The following RBM20 variants were observed in gnomAD, a reference collection of about 807,000 sequenced individuals.
The protein encoded by RBM20 is RNA-binding protein 20.
RBM20 carries 51 observed loss-of-function variants against 110.1 expected under a neutral mutation model. That is an observed-to-expected ratio of 0.46 (90% CI 0.37 to 0.59). The LOEUF (loss-of-function observed/expected upper bound fraction) is 0.59, where lower values mean the gene tolerates loss of function less well. RBM20 is among the 20% of genes least tolerant of loss of function. The pLI is 0.00. For synonymous variants in RBM20, 589 were observed against 618.2 expected (o/e 0.95, Z 0.70); for missense variants, 1,512 against 1,574.9 (o/e 0.96, Z 0.68).
At chr10:110,699,523 C>G (rs1332746878) in intron 1 of RBM20, among the ~76,000 whole-genome samples, 1 of 151,946 alleles carries the variant, frequency 6.6e-6, no homozygotes. Flanking sequence ...CTGCCTACCT[C>G]AGCCACAAAA....
At chr10:110,680,156 G>A (rs1267926994) in intron 1 of RBM20, among the ~76,000 whole-genome samples, 2 of 152,054 alleles carry the variant, frequency 1.3e-5, no homozygotes, top group Non-Finnish European at 2.9e-5. Flanking sequence ...CTGGGGGAGA[G>A]CAATTAGTTT....
chr10:110,786,229 C>T lies in RBM20; in HGVS notation c.1527+1340C>T, dbSNP rs576349831. Among the ~76,000 whole-genome samples the T allele has an allele frequency of 2.0e-5, 3 of 152,348 alleles. No homozygotes were observed. The East Asian group carries it at 5.8e-4, about 29-fold the overall frequency. On this transcript the variant is annotated intron_variant, in intron 5 of 13. Transcript: ENST00000369519. Reference sequence around the variant, plus strand: ...TTGTCTGAACCCTGCTGGAGGGCACCTGTTTGTGTGCCTTAGCCTGTGCCT... The same window carrying T: ...TTGTCTGAACCCTGCTGGAGGGCACTTGTTTGTGTGCCTTAGCCTGTGCCT...
At position 110,821,662 on chromosome 10, in the gene RBM20, A is replaced by G; in HGVS notation, c.3043A>G (p.Thr1015Ala). ...TGAGCGGAAGCCAGCTGAAAGTGAG[A>G]CAGGCCTCTCCCTGGAGGATTCAGA... is the stretch of plus-strand genomic sequence containing the variant. ...DAERKPAESETGLSLEDSDCY... is the reference protein window; with the variant it reads ...DAERKPAESEAGLSLEDSDCY... Residue 1015 changes from threonine (T) to alanine (A), a missense_variant, in exon 11 of 14, where the codon ACA (threonine) becomes GCA (alanine). Around this residue, in one of 3 missense-constraint regions of RBM20, gnomAD observed 358 missense variants for 384.2 expected, o/e 0.93. Transcript: ENST00000369519. 6.4e-7 allele frequency: 1 copy of G among 1,551,790 alleles called. No individual in the cohort carries two copies. Among genetic ancestry groups the G allele is most frequent in the Admixed American group, 2.0e-5 (1 of 51,008 alleles).
chr10:110,720,379 G>A (rs1347372183), intron 1 of RBM20, among the ~76,000 whole-genome samples: 1 of 152,134 alleles, frequency 6.6e-6, no homozygotes, highest in East Asian at 1.9e-4. Flanking sequence ...CACCACCTTT[G>A]CTCTCCTGGA....
At chr10:110,684,170 G>A (rs1862464030) in intron 1 of RBM20, among the ~76,000 whole-genome samples, 1 of 152,146 alleles carries the variant, frequency 6.6e-6, no homozygotes, top group African/African-American at 2.4e-5. Context: ...CGAGGCAGGT[G>A]GATCGCCTGA....
At chr10:110,814,716 G>A (rs199702257) in intron 9 of RBM20, among the ~76,000 whole-genome samples, 9 of 152,242 alleles carry the variant, frequency 5.9e-5, no homozygotes, top group African/African-American at 1.4e-4. Context: ...GGCTGGTCTC[G>A]AACTGCTGAC....
intron 1 of RBM20, among the ~76,000 whole-genome samples, chr10:110,732,445 A>G (rs921077234): frequency 1.1e-4 from 17 of 152,120 alleles, no homozygotes; most frequent in African/African-American, 3.1e-4. Flanking sequence ...GATGATTTCA[A>G]TTGCCCACCA....
Position 110,812,600 on chromosome 10 carries a change from G to A in RBM20, c.2203G>A (p.Glu735Lys). ...ERPEGGRPHR[E>K]KYPRSGSPNL... Reference sequence around the variant, plus strand: ...ACCAGAAGGAGGGAGGCCCCACCGGGAGAAGTACCCGAGATCTGGGTCTCC... The same window carrying A: ...ACCAGAAGGAGGGAGGCCCCACCGGAAGAAGTACCCGAGATCTGGGTCTCC... The change falls in exon 9 of 14, where the codon GAG (glutamate) becomes AAG (lysine). Residue 735 changes from glutamate to lysine, a missense_variant. Physicochemically the swap from Glu to Lys is moderately conservative, Grantham distance 56. This residue lies in a region of RBM20 where 1,149 missense variants were observed against 1,169.4 expected (regional missense o/e 0.98). Coordinates refer to ENST00000369519, the MANE Select transcript of RBM20 (RefSeq NM_001134363.3). 1 of 1,551,674 alleles carries A rather than the reference G, an allele frequency of 6.4e-7. No homozygotes were observed. The highest frequency in any genetic ancestry group is 2.4e-5 in the East Asian group (1 of 40,910).
intron 13 of RBM20, among the ~76,000 whole-genome samples, chr10:110,834,012 T>C (rs1004083427): frequency 6.6e-6 from 1 of 152,118 alleles, no homozygotes; most frequent in Non-Finnish European, 1.5e-5. Flanking sequence ...AGGTTGCTCC[T>C]AAAGGCAGGG....
intron 1 of RBM20, among the ~76,000 whole-genome samples, chr10:110,650,181 T>G (rs1316699338): frequency 6.6e-6 from 1 of 152,154 alleles, no homozygotes; most frequent in Admixed American, 6.5e-5. Flanking sequence ...AAATAACTTG[T>G]GTGTGTTTTG....
chr10:110,770,977 T>G (rs1258040179), intron 1 of RBM20, among the ~76,000 whole-genome samples: 1 of 152,226 alleles, frequency 6.6e-6, no homozygotes, highest in African/African-American at 2.4e-5. Context: ...ATTTACATAA[T>G]TTTGTCCGTG....
rs201149204 is a variant in RBM20 at position 110,823,431 on chromosome 10, C to CTTTTTTTTTT, written c.3317-31_3317-22dup. On this transcript the variant is annotated intron_variant, in intron 11 of 13. Coordinates refer to ENST00000369519, the MANE Select transcript of RBM20 (RefSeq NM_001134363.3). ...GGACTCTTTGAGGCATGTTGTATTT[C>CTTTTTTTTTT]TTTTTTTTTTTTTTTTTTTTTTTTT... 7 of 1,303,074 alleles carry CTTTTTTTTTT rather than the reference C, an allele frequency of 5.4e-6. No homozygotes were observed. In the African/African-American group the frequency reaches 6.0e-5, roughly 11 times the overall value. The allele number at this position is 1,303,074 out of a possible 1,614,324, so 80.7% of individuals were successfully genotyped here. A position where few individuals can be genotyped will look rare whatever the true frequency, so the allele number is the denominator to read the frequency against.
chr10:110,771,072 G>A (rs1162486098), intron 1 of RBM20, among the ~76,000 whole-genome samples: 1 of 152,222 alleles, frequency 6.6e-6, no homozygotes, highest in Non-Finnish European at 1.5e-5. Context: ...ATTAAGCCAA[G>A]AAAACGAAGG....
intron 1 of RBM20, among the ~76,000 whole-genome samples, chr10:110,755,807 G>A (rs1412386718): frequency 2.0e-5 from 3 of 152,152 alleles, no homozygotes; most frequent in African/African-American, 7.2e-5. Flanking sequence ...AACTTTAATT[G>A]GTTGGCCAAT....
At chr10:110,802,274 A>G (rs1844636635) in intron 7 of RBM20, among the ~76,000 whole-genome samples, 2 of 151,770 alleles carry the variant, frequency 1.3e-5, no homozygotes, top group South Asian at 2.1e-4. Flanking sequence ...AAGTCTCCAT[A>G]TGTAGATGGG....
intron 1 of RBM20, among the ~76,000 whole-genome samples, chr10:110,767,344 A>G (rs1162372430): frequency 1.1e-5 from 1 of 95,174 alleles, no homozygotes. Flanking sequence ...TGGGGGGCTG[A>G]CCCCCCCACC....
chr10:110,831,459 C>T (rs1845050806), intron 13 of RBM20: 1 of 328,098 alleles, frequency 3.0e-6, no homozygotes, highest in African/African-American at 2.1e-5. Context: ...TGTGTTGCTC[C>T]TAGCACATGT....
rs1215088966 is a variant in RBM20, at chr10:110,820,095, C to T, written c.2574C>T (p.Gly858=). 6.5e-7 allele frequency: 1 copy of T among 1,550,348 alleles called. No individual in the cohort carries two copies. Among genetic ancestry groups the T allele is most frequent in the East Asian group, 2.4e-5 (1 of 40,906 alleles). Residue 858 remains glycine (G), a synonymous_variant, in exon 10 of 14, where the codon GGC becomes GGT. Coordinates refer to ENST00000369519, the MANE Select transcript of RBM20 (RefSeq NM_001134363.3). ...ENEAGKEEQE[G]MEESPQSVGR... ...AGGCTGGAAAAGAGGAACAGGAGGG[C>T]ATGGAAGAAAGCCCTCAATCAGTGG... is the stretch of plus-strand genomic sequence containing the variant.
intron 5 of RBM20, among the ~76,000 whole-genome samples, chr10:110,795,309 CAA>C (rs755036733): frequency 1.1e-4 from 17 of 152,342 alleles, no homozygotes; most frequent in African/African-American, 4.1e-4. Flanking sequence ...GGCTCAGACT[CAA>C]AGTCTCCTAG....
Sources: allele counts gnomAD v4.1 joint callset (sites outside exome capture counted in the v4.1 genomes callset), GRCh38; gene constraint gnomAD v4.1.1; regional missense constraint gnomAD v4.1.1; transcripts MANE v1.5; gene names NCBI Gene and HGNC (gene_info 2026-07-23, HGNC 2026-07-21).